TANGO2: variants seen among roughly 807,000 people sequenced by gnomAD.
The protein encoded by TANGO2 is transport and golgi organization 2 homolog.
In TANGO2, 26 loss-of-function variants were observed where a neutral mutation model predicts 39.1. The observed-to-expected ratio is 0.67, with a 90% CI of 0.49 to 0.92. The LOEUF is 0.92. Ranked by LOEUF, TANGO2 falls within the 40% of genes least tolerant of loss-of-function variation. TANGO2 has a pLI of 0.00. For missense variants in TANGO2, 326 were observed against 360.1 expected (o/e 0.91, Z 0.77); for synonymous variants, 131 against 144.5 (o/e 0.91, Z 0.67).
rs150231785 is a variant in TANGO2, at chr22:20,066,838, C to T, written c.*2176C>T. Among the ~76,000 whole-genome samples, 1 of 152,258 alleles carries T rather than the reference C, an allele frequency of 6.6e-6. No individual in the cohort carries two copies. Among genetic ancestry groups the T allele is most frequent in the East Asian group, 1.9e-4 (1 of 5,176 alleles). ...CCGGATGTTCACCTCTGCCCAGAGA[C>T]CCGGCCTGCCCAGGAAGAGCAGTCT... is the stretch of plus-strand genomic sequence containing the variant. On this transcript the variant is annotated 3_prime_UTR_variant, in exon 9 of 9. Transcript: ENST00000327374.
chr22:20,037,932 C>A (rs1158586411), intron 2 of TANGO2, among the ~76,000 whole-genome samples: 3 of 151,964 alleles, frequency 2.0e-5, no homozygotes, highest in South Asian at 2.1e-4. Flanking sequence ...TAAAAACACA[C>A]AAAAAAATTA....
In TANGO2 at chr22:20,022,184, AAGGAAAACTC is replaced by A. The variant is rs2039835820; in HGVS notation, c.-40+942_-40+951del. On this transcript the variant is annotated intron_variant, in intron 1 of 8. Coordinates refer to ENST00000327374, the MANE Select transcript of TANGO2 (RefSeq NM_152906.7). The stretch of plus-strand genomic sequence containing the variant: ...TTCATTGATCCAGTCCTGCTCATAC[AAGGAAAACTC>A]AGGCTAAGGTGGCAGATCGTGTTCC... 5.9e-5 allele frequency among the ~76,000 whole-genome samples: 9 copies of A among 152,318 alleles called. No individual in the cohort carries two copies. In the South Asian group the frequency reaches 1.9e-3, roughly 32 times the overall value.
At chr22:20,062,548 G>A (rs1270164893) in intron 7 of TANGO2, among the ~76,000 whole-genome samples, 2 of 152,356 alleles carry the variant, frequency 1.3e-5, no homozygotes, top group African/African-American at 4.8e-5. Context: ...AGCCCCACCT[G>A]GGCATGCCCA....
Position 20,027,641 on chromosome 22 carries a change from C to T in TANGO2, c.-40+6395C>T, listed in dbSNP as rs573887414. ...TTTTTTTTGAGACTCAGAGTCTTGC[C>T]TTGTCACCCAGGCTGGAGTGCAGTG... On this transcript the variant is annotated intron_variant, in intron 1 of 8. Transcript: ENST00000327374. Among the ~76,000 whole-genome samples the T allele has an allele frequency of 6.4e-4, 97 of 152,074 alleles. 1 individual carries two copies. Among genetic ancestry groups the T allele is most frequent in the Non-Finnish European group, 1.2e-3 (84 of 67,974 alleles).
upstream of TANGO2, among the ~76,000 whole-genome samples, chr22:20,018,338 C>G (rs1171465018): frequency 6.6e-6 from 1 of 152,226 alleles, no homozygotes; most frequent in African/African-American, 2.4e-5. Flanking sequence ...AGGTAGCTGT[C>G]ATCCTGTGGA....
Position 20,058,880 on chromosome 22 carries a change from C to T in TANGO2, c.452-2650C>T, listed in dbSNP as rs5993904. Among the ~76,000 whole-genome samples, 656 of 152,104 alleles carry T rather than the reference C, an allele frequency of 4.3e-3. 12 individuals are homozygous for T. Among genetic ancestry groups the T allele is most frequent in the African/African-American group, 0.015 (615 of 41,494 alleles). ...AGCCATACATATTTATGAGGGGACC[C>T]GAGAACATATGCAATAGATAAACAT... On this transcript the variant is annotated intron_variant, in intron 6 of 8. Transcript: ENST00000327374.
intron 1 of TANGO2, among the ~76,000 whole-genome samples, chr22:20,023,700 A>G (rs2040177402): frequency 6.6e-6 from 1 of 151,764 alleles, no homozygotes; most frequent in African/African-American, 2.4e-5. Flanking sequence ...TAAAAATACA[A>G]AAAAATTAGC....
Position 20,032,663 on chromosome 22 carries a change from C to T in TANGO2, c.-39-4097C>T, listed in dbSNP as rs143867930. On this transcript the variant is annotated intron_variant, in intron 1 of 8. Coordinates refer to ENST00000327374, the MANE Select transcript of TANGO2 (RefSeq NM_152906.7). ...GGTGGGGACAGGCAGGGCGGAGCCT[C>T]ACCTGGAAAGCCAGGCACGATTCTC... 5.4e-3 allele frequency among the ~76,000 whole-genome samples: 817 copies of T among 152,340 alleles called. 16 individuals are homozygous for T. The highest frequency in any genetic ancestry group is 0.047 in the Admixed American group (722 of 15,304).
Position 20,058,641 on chromosome 22 carries a change from C to CA in TANGO2, c.451+2642dup, listed in dbSNP as rs695705. Among the ~76,000 whole-genome samples the CA allele has an allele frequency of 5.4e-3, 575 of 106,316 alleles. 2 individuals carry two copies. The highest frequency in any genetic ancestry group is 7.3e-3 in the Admixed American group (74 of 10,160). 69.7% of individuals were successfully genotyped at this position (106,316 alleles called of 152,430 possible). A position where few individuals can be genotyped will look rare whatever the true frequency, so the allele number is the denominator to read the frequency against. On this transcript the variant is annotated intron_variant, in intron 6 of 8. Coordinates refer to ENST00000327374, the MANE Select transcript of TANGO2 (RefSeq NM_152906.7). The stretch of plus-strand genomic sequence containing the variant: ...TGGGCGACAGAGTGAGATTGCATCT[C>CA]AAAAAAAAAAAAAACAAAGAAAAAC...
intron 1 of TANGO2, among the ~76,000 whole-genome samples, chr22:20,026,412 A>G (rs554860341): frequency 4.6e-4 from 67 of 145,502 alleles, no homozygotes; most frequent in Non-Finnish European, 9.5e-4. Flanking sequence ...AAAAAAAAAA[A>G]GAGCTTCACC....
chr22:20,047,717 C>T (rs928001865), intron 3 of TANGO2, among the ~76,000 whole-genome samples: 8 of 152,172 alleles, frequency 5.3e-5, no homozygotes, highest in African/African-American at 1.7e-4. Context: ...ATCATGGGCT[C>T]ACTTTGTTTC....
At chr22:20,045,425 G>A (rs1273453971) in intron 3 of TANGO2, among the ~76,000 whole-genome samples, 1 of 151,602 alleles carries the variant, frequency 6.6e-6, no homozygotes, top group African/African-American at 2.4e-5. Context: ...GCAACAGAGT[G>A]AGACCCTGTC....
chr22:20,038,310 G>A (rs2043241323), intron 2 of TANGO2, among the ~76,000 whole-genome samples: 1 of 152,196 alleles, frequency 6.6e-6, no homozygotes, highest in Non-Finnish European at 1.5e-5. Context: ...GCAGCCGCCT[G>A]GTCTGTGGTG....
chr22:20,046,469 T>C (rs1047461391), intron 3 of TANGO2, among the ~76,000 whole-genome samples: 1 of 146,184 alleles, frequency 6.8e-6, no homozygotes, highest in East Asian at 2.0e-4. Context: ...AATTTTTTTT[T>C]TTTTTTTTTT....
At chr22:20,024,199 CAA>C (rs1487705856) in intron 1 of TANGO2, among the ~76,000 whole-genome samples, 1 of 152,120 alleles carries the variant, frequency 6.6e-6, no homozygotes. Context: ...GCCTGGGCGA[CAA>C]GAGCAAAACT....
chr22:20,061,491 A>G, intron 6 of TANGO2, 39 bp from the exon 7 acceptor site: 2 of 1,566,926 alleles, frequency 1.3e-6, no homozygotes, highest in Non-Finnish European at 1.7e-6. Context: ...GACATGGCAC[A>G]GCAGGGCCTC....
At chr22:20,035,467 G>A (rs2042667338) in intron 1 of TANGO2, among the ~76,000 whole-genome samples, 1 of 152,232 alleles carries the variant, frequency 6.6e-6, no homozygotes, top group Non-Finnish European at 1.5e-5. Context: ...ACATTTCAGG[G>A]AACTTGGGTG....
intron 5 of TANGO2, chr22:20,054,162 C>A: frequency 4.3e-6 from 1 of 233,122 alleles, no homozygotes; most frequent in South Asian, 4.9e-5. Flanking sequence ...GGCTCCCGAG[C>A]TCCAGGCCTG....
chr22:20,036,449 C>G (rs1319509462), intron 1 of TANGO2, among the ~76,000 whole-genome samples: 2 of 152,204 alleles, frequency 1.3e-5, no homozygotes, highest in African/African-American at 2.4e-5. Context: ...TCTGCTGCCC[C>G]CCGGGGACCC....
Sources: gnomAD v4.1 joint callset for allele counts (sites outside exome capture counted in the v4.1 genomes callset) on GRCh38, gnomAD v4.1.1 for gene constraint, MANE v1.5 for transcripts, NCBI Gene and HGNC (gene_info 2026-07-23, HGNC 2026-07-21) for gene names.